Variants in CHD9 observed in about 807,000 individuals in gnomAD.
CHD9 encodes ATP-dependent chromatin remodeler CHD9.
CHD9 carries 77 observed loss-of-function variants against 316.1 expected under a neutral mutation model. That is an observed-to-expected ratio of 0.24 (90% confidence interval 0.20 to 0.29). The LOEUF (loss-of-function observed/expected upper bound fraction) is 0.29. CHD9 is among the 10% of genes least tolerant of loss of function. CHD9 has a pLI of 1.00. For synonymous variants in CHD9, 1,129 were observed against 1,158.3 expected (o/e 0.97, Z 0.51); for missense variants, 2,763 against 3,438.1 (o/e 0.80, Z 4.91).
chr16:53,161,064 G>A (rs2041873782), intron 2 of CHD9, among the ~76,000 whole-genome samples: 1 of 152,054 alleles, frequency 6.6e-6, no homozygotes, highest in African/African-American at 2.4e-5. Context: ...ACCAGCCTGG[G>A]TAATAGTGAG....
In CHD9 at chr16:53,102,459, C is replaced by T. The variant is rs2036963164; in HGVS notation, c.-165+47382C>T. Among the ~76,000 whole-genome samples, 3 of 152,128 alleles carry T rather than the reference C, an allele frequency of 2.0e-5. No homozygotes were observed. The South Asian group carries it at 6.2e-4, about 32-fold the overall frequency. On this transcript the variant is annotated intron_variant, in intron 1 of 38. Transcript: ENST00000447540. Reference sequence around the variant, plus strand: ...TGTTAAATAAATGTCCTAGGTCATCCAGCTAGTAAGTGGCAGAACCTGATT... The same window carrying T: ...TGTTAAATAAATGTCCTAGGTCATCTAGCTAGTAAGTGGCAGAACCTGATT...
intron 1 of CHD9, among the ~76,000 whole-genome samples, chr16:53,083,087 G>A (rs1194968701): frequency 6.6e-6 from 1 of 152,206 alleles, no homozygotes; most frequent in Non-Finnish European, 1.5e-5. Flanking sequence ...TAAGTGACTG[G>A]CAACAGTGTG....
intron 1 of CHD9, among the ~76,000 whole-genome samples, chr16:53,135,542 A>G (rs1846180701): frequency 6.6e-6 from 1 of 152,218 alleles, no homozygotes; most frequent in African/African-American, 2.4e-5. Context: ...AAAAGTGTCA[A>G]AAATGATTTC....
intron 5 of CHD9, 46 bp from the exon 6 acceptor site, chr16:53,227,350 T>C (rs2047744720): frequency 7.8e-7 from 1 of 1,287,614 alleles, no homozygotes; most frequent in Non-Finnish European, 1.1e-6. Flanking sequence ...AACTAAAAGA[T>C]CTTTCAGAAT....
chr16:53,205,305 AT>A (rs2045812955), intron 2 of CHD9, among the ~76,000 whole-genome samples: 1 of 152,268 alleles, frequency 6.6e-6, no homozygotes, highest in Non-Finnish European at 1.5e-5. Flanking sequence ...CTAGTAATCC[AT>A]CATCCCCAAA....
At chr16:53,134,175 G>A (rs1419414055) in intron 1 of CHD9, among the ~76,000 whole-genome samples, 2 of 152,116 alleles carry the variant, frequency 1.3e-5, no homozygotes, top group African/African-American at 2.4e-5. Flanking sequence ...TAAGAATATG[G>A]AAACTTGAGG....
In CHD9 at chr16:53,306,377, GCA is replaced by G. The variant is rs1567662726; in HGVS notation, c.6761_6762del (p.Ala2254GlyfsTer13). ...TATCTTACAAGGTGGATATATGCTG[GCA>G]GCCTCGTATTGGCCAAAGGTAAAGA... is the stretch of plus-strand genomic sequence containing the variant. The part of the protein sequence containing the change: ...AYILQGGYML[A>X]ASYWPKDRVM... On this transcript the variant is annotated frameshift_variant, in exon 32 of 39. Coordinates refer to ENST00000447540, the MANE Select transcript of CHD9 (RefSeq NM_001308319.2). LOFTEE classifies it high-confidence loss of function. 6.3e-7 allele frequency: 1 copy of G among 1,593,688 alleles called. No individual in the cohort carries two copies.
At chr16:53,287,349 C>T (rs1284680007) in intron 26 of CHD9, among the ~76,000 whole-genome samples, 1 of 152,214 alleles carries the variant, frequency 6.6e-6, no homozygotes, top group African/African-American at 2.4e-5. Flanking sequence ...CCAACTGTAC[C>T]TGTTTTAAGG....
At chr16:53,229,399 C>T (rs1415341202) in intron 8 of CHD9, among the ~76,000 whole-genome samples, 1 of 152,056 alleles carries the variant, frequency 6.6e-6, no homozygotes, top group Non-Finnish European at 1.5e-5. Context: ...CAAAGTTATT[C>T]AAGTGGAGGA....
At chr16:53,093,169 C>T (rs1274081466) in intron 1 of CHD9, among the ~76,000 whole-genome samples, 1 of 152,204 alleles carries the variant, frequency 6.6e-6, no homozygotes, top group Non-Finnish European at 1.5e-5. Context: ...ACTAGGGCCA[C>T]CCCTATGTTC....
chr16:53,159,061 G>T (rs2041727164), intron 2 of CHD9, among the ~76,000 whole-genome samples: 1 of 152,100 alleles, frequency 6.6e-6, no homozygotes, highest in African/African-American at 2.4e-5. Context: ...GATTGCTTGA[G>T]ACCAGGAATT....
At chr16:53,285,553 C>T (rs1277935065) in intron 24 of CHD9, 43 bp from the exon 25 acceptor site, 3 of 1,316,640 alleles carry the variant, frequency 2.3e-6, no homozygotes, top group Admixed American at 2.1e-5. Context: ...CTTTTTGACT[C>T]ATTTATAATA....
intron 1 of CHD9, among the ~76,000 whole-genome samples, chr16:53,110,977 G>A (rs2037820332): frequency 6.6e-6 from 1 of 152,118 alleles, no homozygotes; most frequent in Admixed American, 6.5e-5. Context: ...ATTTTTTGGG[G>A]AGTTGACCTT....
intron 1 of CHD9, among the ~76,000 whole-genome samples, chr16:53,124,467 ATTTTTTT>A (rs753476091): frequency 0.018 from 1,745 of 96,924 alleles, 49 homozygotes; most frequent in African/African-American, 0.063. Context: ...GTGAGACTTA[ATTTTTTT>A]TTTTTTTTTT....
intron 1 of CHD9, among the ~76,000 whole-genome samples, chr16:53,104,181 T>C (rs778149247): frequency 2.0e-5 from 3 of 152,266 alleles, no homozygotes; most frequent in Non-Finnish European, 4.4e-5. Context: ...TCTGACATTT[T>C]ATTTTTTCCC....
chr16:53,144,760 G>A (rs1407460414), intron 1 of CHD9, among the ~76,000 whole-genome samples: 2 of 151,996 alleles, frequency 1.3e-5, no homozygotes, highest in African/African-American at 2.4e-5. Flanking sequence ...TCCTGACCTC[G>A]TGATTCGCCC....
chr16:53,135,946 T>C (rs1164499623), intron 1 of CHD9, among the ~76,000 whole-genome samples: 2 of 152,126 alleles, frequency 1.3e-5, no homozygotes, highest in Non-Finnish European at 2.9e-5. Context: ...TATATAGTAT[T>C]GGGTGATGGT....
chr16:53,288,764 C>T (rs923634397), intron 27 of CHD9, among the ~76,000 whole-genome samples: 6 of 152,078 alleles, frequency 3.9e-5, no homozygotes, highest in South Asian at 4.1e-4. Context: ...TATCTCATCA[C>T]GGACTTTGGG....
chr16:53,198,288 T>A (rs190362137), intron 2 of CHD9, among the ~76,000 whole-genome samples: 2 of 151,902 alleles, frequency 1.3e-5, no homozygotes, highest in East Asian at 3.9e-4. Flanking sequence ...TAACATCAAG[T>A]AGCACCTGAC....
Sources: allele counts gnomAD v4.1 joint callset (sites outside exome capture counted in the v4.1 genomes callset), GRCh38; gene constraint gnomAD v4.1.1; transcripts MANE v1.5; gene names NCBI Gene and HGNC (gene_info 2026-07-23, HGNC 2026-07-21).